Variants in IMPG1 observed in about 807,000 individuals in gnomAD.
IMPG1 encodes the protein interphotoreceptor matrix proteoglycan 1.
In IMPG1, 85 loss-of-function variants were observed where a neutral mutation model predicts 92.0. The observed-to-expected ratio is 0.92, with a 90% CI of 0.78 to 1.11. IMPG1 has a LOEUF of 1.11. Among genes scored for constraint, IMPG1 ranks in the 50% least tolerant of loss-of-function variants. IMPG1 has a pLI of 0.00. For missense variants in IMPG1, 1,022 were observed against 956.0 expected, an observed-to-expected ratio of 1.07 and a Z score of -0.91; for synonymous variants, 367 against 334.1, an observed-to-expected ratio of 1.10 and a Z score of -1.08.
chr6:76,055,332 T>C (rs1784103146), intron 1 of IMPG1, among the ~76,000 whole-genome samples: 1 of 152,046 alleles, frequency 6.6e-6, no homozygotes. Flanking sequence ...AAGAAATAAT[T>C]ATCGTTATTA....
At chr6:75,991,553 ATGGAAAATTG>A (rs1782813113) in intron 12 of IMPG1, among the ~76,000 whole-genome samples, 1 of 152,186 alleles carries the variant, frequency 6.6e-6, no homozygotes, top group African/African-American at 2.4e-5. Context: ...TAATGGGAGA[ATGGAAAATTG>A]TGGAACTGGT....
At chr6:75,976,590 G>A (rs758214931) in intron 12 of IMPG1, among the ~76,000 whole-genome samples, 3 of 151,592 alleles carry the variant, frequency 2.0e-5, no homozygotes, top group Non-Finnish European at 4.4e-5. Context: ...CCAGCAAAAG[G>A]CTGAGAGATT....
chr6:75,980,583 G>T (rs1853933), intron 12 of IMPG1, among the ~76,000 whole-genome samples: 72,019 of 151,974 alleles, frequency 0.47, 17,481 homozygotes, highest in East Asian at 0.71. Flanking sequence ...ACTTGCTGAG[G>T]CTTCTAGCCT....
chr6:75,987,770 G>A (rs200981653), intron 12 of IMPG1, among the ~76,000 whole-genome samples: 1 of 151,370 alleles, frequency 6.6e-6, no homozygotes, highest in Non-Finnish European at 1.5e-5. Flanking sequence ...TCAGCCTCCC[G>A]AGTAGCCGGG....
chr6:75,925,682 T>TTTG (rs1227773674), intron 15 of IMPG1, among the ~76,000 whole-genome samples: 1 of 151,940 alleles, frequency 6.6e-6, no homozygotes, highest in Non-Finnish European at 1.5e-5. Flanking sequence ...TGTTTGTTTG[T>TTTG]TTTGAGACAG....
chr6:76,035,289 G>T (rs1490070185), intron 2 of IMPG1, among the ~76,000 whole-genome samples: 2 of 151,952 alleles, frequency 1.3e-5, no homozygotes, highest in African/African-American at 4.8e-5. Context: ...GATCACCTGA[G>T]GTCAGGAGTT....
intron 4 of IMPG1, among the ~76,000 whole-genome samples, chr6:76,030,258 G>T (rs567691985): frequency 1.4e-4 from 22 of 152,162 alleles, no homozygotes; most frequent in African/African-American, 5.3e-4. Context: ...ACTCATGGTG[G>T]GACCTGACAA....
At chr6:76,027,565 T>C (rs904588718) in intron 4 of IMPG1, among the ~76,000 whole-genome samples, 4 of 152,254 alleles carry the variant, frequency 2.6e-5, no homozygotes, top group African/African-American at 9.6e-5. Context: ...TAAAGGATTG[T>C]ATTAAATTAT....
chr6:75,926,007 C>T (rs1781543143), intron 15 of IMPG1, among the ~76,000 whole-genome samples: 1 of 152,104 alleles, frequency 6.6e-6, no homozygotes, highest in Admixed American at 6.5e-5. Context: ...TAACAAGTTC[C>T]TTGTTCCCCA....
At chr6:76,007,450 C>G in intron 9 of IMPG1, 30 bp downstream of exon 9, 1 of 1,539,806 alleles carries the variant, frequency 6.5e-7, no homozygotes, top group Non-Finnish European at 8.9e-7. Context: ...CGGGAATGTA[C>G]TATATTTCAA....
intron 2 of IMPG1, among the ~76,000 whole-genome samples, chr6:76,037,751 A>G (rs542993542): frequency 9.8e-5 from 15 of 152,354 alleles, no homozygotes; most frequent in African/African-American, 3.6e-4. Flanking sequence ...AGTGTCAGAG[A>G]TACAACAATA....
At chr6:75,980,217 A>G (rs1402269389) in intron 12 of IMPG1, among the ~76,000 whole-genome samples, 2 of 152,370 alleles carry the variant, frequency 1.3e-5, no homozygotes, top group South Asian at 2.1e-4. Context: ...TTAGGTATAT[A>G]TAAAAGATAA....
intron 14 of IMPG1, among the ~76,000 whole-genome samples, chr6:75,936,036 T>A (rs1781738691): frequency 6.6e-6 from 1 of 152,186 alleles, no homozygotes; most frequent in Admixed American, 6.5e-5. Flanking sequence ...CCTGAGAAGG[T>A]TGTGAGATGT....
chr6:75,925,916 C>T (rs1334819938), intron 15 of IMPG1, among the ~76,000 whole-genome samples: 1 of 152,160 alleles, frequency 6.6e-6, no homozygotes, highest in Non-Finnish European at 1.5e-5. Flanking sequence ...TCACCCACCT[C>T]GGCTTCCCAA....
At chr6:75,956,737 T>G (rs1226208635) in intron 12 of IMPG1, among the ~76,000 whole-genome samples, 1 of 152,214 alleles carries the variant, frequency 6.6e-6, no homozygotes, top group Non-Finnish European at 1.5e-5. Flanking sequence ...TTTAGTGGTA[T>G]AAATTTCCCT....
intron 12 of IMPG1, among the ~76,000 whole-genome samples, chr6:75,974,551 C>T (rs769131516): frequency 1.3e-5 from 2 of 150,428 alleles, no homozygotes; most frequent in Non-Finnish European, 3.0e-5. Flanking sequence ...CTCACTGCAA[C>T]CTCTGCCTCC....
At chr6:76,065,290 G>A (rs557883180) in intron 1 of IMPG1, among the ~76,000 whole-genome samples, 282 of 151,992 alleles carry the variant, frequency 1.9e-3, no homozygotes, top group Non-Finnish European at 3.6e-3. Context: ...TAATTTTAAA[G>A]AAGCTTAATG....
chr6:75,985,432 G>A (rs1285994066), intron 12 of IMPG1, among the ~76,000 whole-genome samples: 1 of 152,126 alleles, frequency 6.6e-6, no homozygotes, highest in Non-Finnish European at 1.5e-5. Flanking sequence ...TTTTCCAGGT[G>A]GGACCAGATC....
intron 1 of IMPG1, among the ~76,000 whole-genome samples, chr6:76,062,252 C>T (rs1013090352): frequency 6.6e-6 from 1 of 152,132 alleles, no homozygotes; most frequent in Non-Finnish European, 1.5e-5. Flanking sequence ...GTGCAAAGCT[C>T]TTTATTGCAA....
Sources: gnomAD v4.1 joint callset for allele counts (sites outside exome capture counted in the v4.1 genomes callset) on GRCh38, gnomAD v4.1.1 for gene constraint, MANE v1.5 for transcripts, NCBI Gene and HGNC (gene_info 2026-07-23, HGNC 2026-07-21) for gene names.